The following PPP6R2 variants were observed in gnomAD, a reference collection of about 807,000 sequenced individuals.
PPP6R2 encodes the protein serine/threonine-protein phosphatase 6 regulatory subunit 2.
Under a neutral mutation model 100.2 loss-of-function variants are expected in PPP6R2, and 62 were observed. That is an observed-to-expected ratio of 0.62 (90% CI 0.50 to 0.76). The LOEUF (loss-of-function observed/expected upper bound fraction) is 0.76. Ranked by LOEUF, PPP6R2 falls within the 30% of genes least tolerant of loss-of-function variation. The probability of loss-of-function intolerance (pLI) is 0.00; values close to 1 mark genes in which losing one functional copy is unlikely to be tolerated. For missense variants in PPP6R2, 1,142 were observed against 1,276.3 expected (o/e 0.89, Z 1.60); for synonymous variants, 525 against 514.7 (o/e 1.02, Z -0.27).
chr22:50,362,356 A>G (rs112973308), intron 1 of PPP6R2, among the ~76,000 whole-genome samples: 1 of 152,212 alleles, frequency 6.6e-6, no homozygotes, highest in African/African-American at 2.4e-5. Context: ...TGTGTGTTAA[A>G]GTCACCTTTC....
intron 3 of PPP6R2, among the ~76,000 whole-genome samples, chr22:50,405,290 G>C (rs1016438557): frequency 4.7e-5 from 7 of 150,420 alleles, no homozygotes; most frequent in Non-Finnish European, 7.4e-5. Flanking sequence ...GAGTGCGAAG[G>C]CCTGGAGGGA....
At chr22:50,434,519 G>A (rs1213456912) in intron 12 of PPP6R2, among the ~76,000 whole-genome samples, 1 of 85,984 alleles carries the variant, frequency 1.2e-5, no homozygotes, top group African/African-American at 5.4e-5. Flanking sequence ...GGTGAACCTG[G>A]AGGAGGGCCG....
Position 50,440,820 on chromosome 22 carries a change from A to C in PPP6R2, c.2375-2A>C. The C allele has an allele frequency of 6.2e-7, 1 of 1,612,990 alleles. No individual in the cohort carries two copies. Among genetic ancestry groups the C allele is most frequent in the Non-Finnish European group, 8.5e-7 (1 of 1,179,980 alleles). ...GGACAGCACAGGCCTCCTACTTTGC[A>C]GTCAGCCCGGCTTCTCCATGTGCCT... On this transcript the variant is annotated splice_acceptor_variant, in intron 21 of 23. Transcript: ENST00000612753. LOFTEE classifies it high-confidence loss of function.
intron 1 of PPP6R2, among the ~76,000 whole-genome samples, chr22:50,371,502 AAAG>A (rs2050196453): frequency 6.6e-6 from 1 of 152,178 alleles, no homozygotes; most frequent in Admixed American, 6.6e-5. Flanking sequence ...TCTCTTTAAA[AAAG>A]AAAAAAAAAA....
chr22:50,365,234 G>A (rs1245873661), intron 1 of PPP6R2, among the ~76,000 whole-genome samples: 2 of 151,906 alleles, frequency 1.3e-5, no homozygotes, highest in African/African-American at 4.8e-5. Context: ...ACCACACCTG[G>A]CTAATTTTAT....
chr22:50,355,599 C>T (rs886322214), intron 1 of PPP6R2, among the ~76,000 whole-genome samples: 1 of 149,088 alleles, frequency 6.7e-6, no homozygotes, highest in Non-Finnish European at 1.5e-5. Flanking sequence ...TGGCTCACTG[C>T]AAGCTCCGCC....
intron 1 of PPP6R2, among the ~76,000 whole-genome samples, chr22:50,360,171 G>A (rs2047497160): frequency 6.6e-6 from 1 of 151,548 alleles, no homozygotes; most frequent in Non-Finnish European, 1.5e-5. Context: ...TCCTGCCTCA[G>A]CCTCCCAAGT....
At chr22:50,442,530 CTTAAAGT>C (rs55957213) in intron 22 of PPP6R2, among the ~76,000 whole-genome samples, 29,397 of 151,276 alleles carry the variant, frequency 0.19, 3,110 homozygotes, top group East Asian at 0.25. Context: ...TTCATTCCTT[CTTAAAGT>C]TTAGTCACTG....
intron 2 of PPP6R2, among the ~76,000 whole-genome samples, chr22:50,385,511 T>G (rs2054031008): frequency 6.7e-6 from 1 of 149,468 alleles, no homozygotes; most frequent in African/African-American, 2.5e-5. Flanking sequence ...GATTAAGTTT[T>G]TTTTTTTTTT....
intron 3 of PPP6R2, among the ~76,000 whole-genome samples, chr22:50,396,667 C>T (rs916767393): frequency 1.3e-5 from 2 of 152,174 alleles, no homozygotes; most frequent in Non-Finnish European, 2.9e-5. Context: ...CCTCCCTGGC[C>T]ATTTATAGAA....
intron 1 of PPP6R2, among the ~76,000 whole-genome samples, chr22:50,352,740 C>CAAAAA (rs755138488): frequency 1.5e-5 from 2 of 132,348 alleles, no homozygotes; most frequent in African/African-American, 6.7e-5. Context: ...AAAACAAAAA[C>CAAAAA]AAAAAAAAAA....
intron 11 of PPP6R2, among the ~76,000 whole-genome samples, chr22:50,432,064 C>T (rs923428568): frequency 1.3e-5 from 2 of 152,102 alleles, no homozygotes; most frequent in African/African-American, 4.8e-5. Context: ...GGGCGCTCAG[C>T]AGTATGAGCC....
intron 10 of PPP6R2, among the ~76,000 whole-genome samples, chr22:50,426,337 C>T (rs946821069): frequency 1.3e-5 from 2 of 152,174 alleles, no homozygotes; most frequent in African/African-American, 4.8e-5. Flanking sequence ...GTTGCCTGTG[C>T]TTTCGGTGTC....
intron 2 of PPP6R2, among the ~76,000 whole-genome samples, chr22:50,372,997 T>C (rs765301789): frequency 3.4e-4 from 51 of 151,774 alleles, no homozygotes; most frequent in Non-Finnish European, 5.9e-4. Flanking sequence ...CAAAGTTTAA[T>C]TCTGACAAAA....
At chr22:50,408,260 AC>A (rs2059253737) in intron 4 of PPP6R2, among the ~76,000 whole-genome samples, 3 of 152,306 alleles carry the variant, frequency 2.0e-5, no homozygotes, top group Middle Eastern at 3.4e-3. Context: ...AAAAATATTA[AC>A]CGTAATTGTT....
At chr22:50,332,868 C>T in the PPP6R2 span, among the ~76,000 whole-genome samples, 18 of 152,156 alleles carry the variant, frequency 1.2e-4, no homozygotes, top group African/African-American at 2.2e-4. Context: ...GTGATCCACC[C>T]GCCTCTGCCT....
intron 1 of PPP6R2, among the ~76,000 whole-genome samples, chr22:50,346,786 CCAGT>C (rs935819474): frequency 1.4e-5 from 2 of 147,474 alleles, no homozygotes; most frequent in African/African-American, 2.5e-5. Flanking sequence ...TCAGTGTCCC[CCAGT>C]CAGAGTCCCG....
chr22:50,354,589 G>A (rs1016693188), intron 1 of PPP6R2, among the ~76,000 whole-genome samples: 2 of 151,946 alleles, frequency 1.3e-5, no homozygotes, highest in Non-Finnish European at 2.9e-5. Context: ...ACTTTGGGAG[G>A]CTGAGGTGGG....
At chr22:50,396,070 C>G (rs2056754488) in intron 3 of PPP6R2, among the ~76,000 whole-genome samples, 1 of 150,964 alleles carries the variant, frequency 6.6e-6, no homozygotes, top group Admixed American at 6.6e-5. Context: ...TGGCGCACGC[C>G]TGTAATCTCA....
Sources: gnomAD v4.1 joint callset for allele counts (sites outside exome capture counted in the v4.1 genomes callset) on GRCh38, gnomAD v4.1.1 for gene constraint, MANE v1.5 for transcripts, NCBI Gene and HGNC (gene_info 2026-07-23, HGNC 2026-07-21) for gene names.